EXOC1: variants seen among roughly 807,000 people sequenced by gnomAD.
EXOC1 encodes the protein SEC3-like 1.
In EXOC1, 67 loss-of-function variants were observed where a neutral mutation model predicts 107.7. That is an observed-to-expected ratio of 0.62 (90% confidence interval 0.51 to 0.76). The LOEUF (loss-of-function observed/expected upper bound fraction) is 0.76, where lower values mean the gene tolerates loss of function less well. Among genes scored for constraint, EXOC1 ranks in the 30% least tolerant of loss-of-function variants. EXOC1 has a pLI of 0.00. For synonymous variants in EXOC1, 348 were observed against 353.5 expected, an observed-to-expected ratio of 0.98 and a Z score of 0.17; for missense variants, 833 against 1,055.7, an observed-to-expected ratio of 0.79 and a Z score of 2.92.
At chr4:55,879,434 TG>T (rs1015008370) in intron 9 of EXOC1, among the ~76,000 whole-genome samples, 5 of 152,000 alleles carry the variant, frequency 3.3e-5, no homozygotes, top group African/African-American at 1.2e-4. Flanking sequence ...GAGGCCAGTG[TG>T]GTAGGAGCAC....
At chr4:55,884,128 G>A (rs1577735224) in intron 10 of EXOC1, among the ~76,000 whole-genome samples, 200 bp downstream of exon 10, 1 of 152,160 alleles carries the variant, frequency 6.6e-6, no homozygotes, top group Non-Finnish European at 1.5e-5. Context: ...TTAAAATTCT[G>A]CAGTATGTGA....
At chr4:55,863,663 C>G (rs774904688) in intron 3 of EXOC1, among the ~76,000 whole-genome samples, 6 of 152,140 alleles carry the variant, frequency 3.9e-5, no homozygotes. Context: ...TTCAAGATAT[C>G]TTTAATCATT....
chr4:55,860,623 C>A, intron 3 of EXOC1, 82 bp downstream of exon 3: 2 of 1,478,974 alleles, frequency 1.4e-6, no homozygotes, highest in Non-Finnish European at 1.8e-6. Context: ...CTAAAATGAT[C>A]TAAAAACAAA....
Position 55,882,069 on chromosome 4 carries a change from A to G in EXOC1, c.1225-1754A>G, listed in dbSNP as rs141961730. On this transcript the variant is annotated intron_variant, in intron 9 of 18. Transcript: ENST00000381295. Reference sequence around the variant, plus strand: ...TGGTGAACTAGCATTCTAAAGTACCATCTTAAAATTTAAAACTTACCATAG... The same window carrying G: ...TGGTGAACTAGCATTCTAAAGTACCGTCTTAAAATTTAAAACTTACCATAG... Among the ~76,000 whole-genome samples, 10 of 152,052 alleles carry G rather than the reference A, an allele frequency of 6.6e-5. No individual in the cohort carries two copies. In the East Asian group the frequency reaches 1.9e-3, roughly 30 times the overall value.
At chr4:55,862,077 T>C (rs1422573124) in intron 3 of EXOC1, among the ~76,000 whole-genome samples, 1 of 152,036 alleles carries the variant, frequency 6.6e-6, no homozygotes, top group Non-Finnish European at 1.5e-5. Context: ...AAAAAAAAAC[T>C]TCTGTAAGTA....
intron 4 of EXOC1, chr4:55,866,847 T>C: frequency 1.0e-6 from 1 of 985,076 alleles, no homozygotes; most frequent in Non-Finnish European, 1.2e-6. Flanking sequence ...TTTCCTCTGC[T>C]TTTTTCATAC....
intron 8 of EXOC1, chr4:55,877,361 T>G: frequency 1.0e-6 from 1 of 984,910 alleles, no homozygotes; most frequent in Non-Finnish European, 1.2e-6. Context: ...GCCTTTTGCT[T>G]GTTGTTGGGA....
At position 55,904,535 on chromosome 4, in the gene EXOC1, G is replaced by A. The variant is rs759742395; in HGVS notation, c.*40G>A. The A allele has an allele frequency of 7.0e-6, 11 of 1,564,448 alleles. No homozygotes were observed. The South Asian group carries it at 1.1e-4, about 15-fold the overall frequency. ...GAAAAGATAACTGAATGAAGCATTT[G>A]AGTATAACAGACACTATACCAAAAT... On this transcript the variant is annotated 3_prime_UTR_variant, in exon 19 of 19. Coordinates refer to ENST00000381295, the MANE Select transcript of EXOC1 (RefSeq NM_001024924.2).
intron 12 of EXOC1, among the ~76,000 whole-genome samples, chr4:55,890,959 C>T (rs1724471554): frequency 6.6e-6 from 1 of 152,160 alleles, no homozygotes; most frequent in African/African-American, 2.4e-5. Context: ...AACTCCTGAG[C>T]TCAAGTGATC....
chr4:55,874,164 T>TA (rs1057194521), intron 8 of EXOC1, among the ~76,000 whole-genome samples: 42 of 152,256 alleles, frequency 2.8e-4, no homozygotes, highest in African/African-American at 9.4e-4. Context: ...GTCCATGCAA[T>TA]ACAGTTTATA....
At chr4:55,865,959 A>G (rs1721921918) in intron 4 of EXOC1, among the ~76,000 whole-genome samples, 1 of 152,130 alleles carries the variant, frequency 6.6e-6, no homozygotes. Flanking sequence ...CATTTTGAAA[A>G]TCACTTGCTA....
chr4:55,853,692 C>A lies in EXOC1; in HGVS notation c.-272C>A, dbSNP rs1390701240. 1 of 152,268 alleles carries A rather than the reference C, an allele frequency of 6.6e-6. No homozygotes were observed. Among genetic ancestry groups the A allele is most frequent in the Non-Finnish European group, 1.5e-5 (1 of 68,064 alleles). The allele number at this position is 152,268 out of a possible 1,614,324, so 9.4% of individuals were successfully genotyped here. ...ATATAGGAAGTGTTGGGGGAACGGC[C>A]GCTTCCCGTTCAACGCTTTATTGAG... is the stretch of plus-strand genomic sequence containing the variant. On this transcript the variant is annotated 5_prime_UTR_variant, in exon 1 of 19. Coordinates refer to ENST00000381295, the MANE Select transcript of EXOC1 (RefSeq NM_001024924.2).
intron 8 of EXOC1, 35 bp from the exon 9 acceptor site, chr4:55,877,882 T>C: frequency 1.2e-6 from 2 of 1,610,962 alleles, no homozygotes; most frequent in Non-Finnish European, 1.7e-6. Flanking sequence ...TTTGTACTGT[T>C]GATTACATTT....
At chr4:55,902,264 C>A in intron 17 of EXOC1, 80 bp from the exon 18 acceptor site, 1 of 1,130,576 alleles carries the variant, frequency 8.8e-7, no homozygotes, top group Non-Finnish European at 1.2e-6. Flanking sequence ...TGATTATACA[C>A]TACTTTGTAA....
intron 4 of EXOC1, among the ~76,000 whole-genome samples, chr4:55,867,963 T>C (rs762142546): frequency 6.6e-6 from 1 of 152,200 alleles, no homozygotes; most frequent in Non-Finnish European, 1.5e-5. Context: ...TTCATAGTCA[T>C]TGTTTTGTTA....
At chr4:55,897,735 C>A (rs1687107242) in intron 16 of EXOC1, among the ~76,000 whole-genome samples, 1 of 152,118 alleles carries the variant, frequency 6.6e-6, no homozygotes, top group East Asian at 1.9e-4. Flanking sequence ...GCTGCCTCAG[C>A]CTCCTAAGTA....
rs1345875787 is a variant in EXOC1 at position 55,882,085 on chromosome 4, CTT to C, written c.1225-1737_1225-1736del. On this transcript the variant is annotated intron_variant, in intron 9 of 18. Transcript: ENST00000381295. ...TAAAGTACCATCTTAAAATTTAAAACTTACCATAGGGTTTTTGTTGTTGTTGT... is the reference window on the plus strand; with the variant it reads ...TAAAGTACCATCTTAAAATTTAAAACACCATAGGGTTTTTGTTGTTGTTGT... Among the ~76,000 whole-genome samples, 8 of 135,318 alleles carry C rather than the reference CTT, an allele frequency of 5.9e-5. No individual in the cohort carries two copies. The Admixed American group carries it at 6.2e-4, about 10-fold the overall frequency. 88.8% of individuals were successfully genotyped at this position (135,318 alleles called of 152,430 possible). A position where few individuals can be genotyped will look rare whatever the true frequency, so the allele number is the denominator to read the frequency against.
chr4:55,861,962 G>C lies in EXOC1; in HGVS notation c.255+1421G>C, dbSNP rs149173298. Among the ~76,000 whole-genome samples the C allele has an allele frequency of 8.9e-3, 1,359 of 152,226 alleles. 15 individuals are homozygous for C. The highest frequency in any genetic ancestry group is 0.025 in the African/African-American group (1,057 of 41,550). On this transcript the variant is annotated intron_variant, in intron 3 of 18. Coordinates refer to ENST00000381295, the MANE Select transcript of EXOC1 (RefSeq NM_001024924.2). The stretch of plus-strand genomic sequence containing the variant: ...CCAGCTTCTTGGGAGGCTGAGGCAA[G>C]AGAATTGCTTGAACCTGAGAGGCAG...
At chr4:55,871,819 A>C (rs761259455) in intron 7 of EXOC1, 30 bp from the exon 8 acceptor site, 1 of 1,597,422 alleles carries the variant, frequency 6.3e-7, no homozygotes, top group Non-Finnish European at 8.6e-7. Context: ...TTACCCATTA[A>C]ACTGGTCACA....
Sources: gnomAD v4.1 joint callset for allele counts (sites outside exome capture counted in the v4.1 genomes callset) on GRCh38, gnomAD v4.1.1 for gene constraint, MANE v1.5 for transcripts, NCBI Gene and HGNC (gene_info 2026-07-23, HGNC 2026-07-21) for gene names.